ANKS1B: variants seen among roughly 807,000 people sequenced by gnomAD.
ANKS1B encodes the protein ankyrin repeat and sterile alpha motif domain containing 1B.
A neutral mutation model predicts 148.3 loss-of-function variants in ANKS1B; 36 were observed. The observed-to-expected ratio is 0.24, with a 90% CI of 0.19 to 0.32. The LOEUF (loss-of-function observed/expected upper bound fraction) is 0.32. Among genes scored for constraint, ANKS1B ranks in the 10% least tolerant of loss-of-function variants. The pLI, the probability that ANKS1B is intolerant of heterozygous loss-of-function variation, is 1.00. For missense variants in ANKS1B, 1,157 were observed against 1,542.6 expected (o/e 0.75, Z 4.19); for synonymous variants, 542 against 560.8 (o/e 0.97, Z 0.47).
intron 17 of ANKS1B, among the ~76,000 whole-genome samples, chr12:98,923,700 TAAAAAAAATAAA>T: frequency 6.6e-6 from 1 of 152,048 alleles, no homozygotes; most frequent in East Asian, 1.9e-4. Flanking sequence ...AGTCAATGTT[TAAAAAAAATAAA>T]GAATTCTCCA....
At chr12:98,748,272 C>T (rs369397876) in intron 26 of ANKS1B, among the ~76,000 whole-genome samples, 17 of 152,006 alleles carry the variant, frequency 1.1e-4, no homozygotes, top group Admixed American at 5.2e-4. Flanking sequence ...GGGTGGGGAG[C>T]GGGAAGGCAG....
chr12:99,432,005 C>T (rs1025817805), intron 11 of ANKS1B, among the ~76,000 whole-genome samples: 1 of 152,166 alleles, frequency 6.6e-6, no homozygotes, highest in Admixed American at 6.5e-5. Context: ...TGGATTAATT[C>T]TCATGGGTAT....
At chr12:99,078,312 A>C (rs2048502356) in intron 16 of ANKS1B, among the ~76,000 whole-genome samples, 1 of 152,244 alleles carries the variant, frequency 6.6e-6, no homozygotes, top group Admixed American at 6.5e-5. Flanking sequence ...TATATATGGT[A>C]AAATACTCTT....
At chr12:99,776,683 G>GTTAT (rs2153627865) in intron 6 of ANKS1B, among the ~76,000 whole-genome samples, 1 of 118,002 alleles carries the variant, frequency 8.5e-6, no homozygotes, top group African/African-American at 3.3e-5. Context: ...TTTCTTTTTG[G>GTTAT]TTGTTTGTTT....
chr12:98,821,651 C>T (rs2099193211), intron 19 of ANKS1B, among the ~76,000 whole-genome samples: 2 of 152,178 alleles, frequency 1.3e-5, no homozygotes, highest in African/African-American at 4.8e-5. Context: ...CTCTGTTTCC[C>T]AGGCTGGAGT....
chr12:99,830,096 A>C (rs185322660), intron 1 of ANKS1B, among the ~76,000 whole-genome samples: 118 of 152,310 alleles, frequency 7.7e-4, no homozygotes, highest in Middle Eastern at 3.4e-3. Flanking sequence ...CTTCTACTTC[A>C]ATCTGCAATC....
Position 99,984,104 on chromosome 12 carries a change from C to T in ANKS1B, c.134G>A (p.Ser45Asn). The T allele has an allele frequency of 6.2e-7, 1 of 1,612,366 alleles. No individual in the cohort carries two copies. Among genetic ancestry groups the T allele is most frequent in the Non-Finnish European group, 8.5e-7 (1 of 1,178,962 alleles). The change falls in exon 1 of 27, where the codon AGC becomes AAC. Residue 45 changes from serine (S) to asparagine (N), a missense_variant and splice_region_variant. Around this residue, in one of 6 missense-constraint regions of ANKS1B, gnomAD observed 164 missense variants for 232.6 expected, o/e 0.71. Transcript: ENST00000683438. ...SGPLPLSNLL[S>N]IWRGPNVNCT... Reference sequence around the variant, plus strand: ...CCCCGGAGCTGGTGCCCGTCCTTACCTTAGCAGATTAGACAGGGGCAGGGG... The same window carrying T: ...CCCCGGAGCTGGTGCCCGTCCTTACTTTAGCAGATTAGACAGGGGCAGGGG...
At chr12:98,795,540 C>T (rs551333116) in intron 22 of ANKS1B, 5 of 410,682 alleles carry the variant, frequency 1.2e-5, no homozygotes, top group Non-Finnish European at 2.4e-5. Flanking sequence ...GATCTAGAAG[C>T]AGAGGAATCC....
chr12:98,957,222 T>C (rs552301997), intron 17 of ANKS1B, among the ~76,000 whole-genome samples: 2 of 152,184 alleles, frequency 1.3e-5, no homozygotes, highest in East Asian at 3.9e-4. Context: ...GCTCCACAAG[T>C]GGGATAAGCA....
At chr12:98,788,046 G>T (rs1028038346) in intron 22 of ANKS1B, among the ~76,000 whole-genome samples, 3 of 152,020 alleles carry the variant, frequency 2.0e-5, no homozygotes, top group Admixed American at 6.6e-5. Flanking sequence ...GCCTTGCAAA[G>T]CTTGCAGGAG....
chr12:99,591,348 A>T (rs1276504480), intron 9 of ANKS1B, among the ~76,000 whole-genome samples: 1 of 151,984 alleles, frequency 6.6e-6, no homozygotes, highest in African/African-American at 2.4e-5. Context: ...TTTTTCCAGG[A>T]TAAAGAGCAA....
chr12:99,111,220 T>C (rs1037267725), intron 15 of ANKS1B, among the ~76,000 whole-genome samples: 6 of 152,226 alleles, frequency 3.9e-5, no homozygotes, highest in African/African-American at 1.4e-4. Context: ...TACTTTCAAG[T>C]TGAACAATTT....
chr12:98,878,851 T>C (rs2099698979), intron 17 of ANKS1B, among the ~76,000 whole-genome samples: 1 of 152,212 alleles, frequency 6.6e-6, no homozygotes. Context: ...CAATTTGCTT[T>C]CACCCCTTGC....
At chr12:99,066,605 C>G (rs1045241323) in intron 16 of ANKS1B, among the ~76,000 whole-genome samples, 3 of 152,120 alleles carry the variant, frequency 2.0e-5, no homozygotes, top group Non-Finnish European at 4.4e-5. Flanking sequence ...GTGACATGAT[C>G]TGGCTTACAT....
At chr12:99,375,232 A>G (rs2093342735) in intron 12 of ANKS1B, among the ~76,000 whole-genome samples, 1 of 152,240 alleles carries the variant, frequency 6.6e-6, no homozygotes, top group South Asian at 2.1e-4. Flanking sequence ...GGATGTTTTC[A>G]GCAGCCCTGG....
rs112162917 is a variant in ANKS1B at position 99,648,394 on chromosome 12, G to A, written c.1272+6673C>T. On this transcript the variant is annotated intron_variant, in intron 9 of 26. Coordinates refer to ENST00000683438, the MANE Select transcript of ANKS1B (RefSeq NM_001352186.2). ...TGCCCGAATGGTAACAATGGGCATCGTTCGCACCAGCCCCTGCCTCACACT... is the reference window on the plus strand; with the variant it reads ...TGCCCGAATGGTAACAATGGGCATCATTCGCACCAGCCCCTGCCTCACACT... 7.4e-4 allele frequency: 1,195 copies of A among 1,614,118 alleles called. 8 individuals are homozygous for A. The highest frequency in any genetic ancestry group is 5.1e-3 in the African/African-American group (386 of 75,022).
At chr12:99,149,521 A>T (rs2074263829) in intron 15 of ANKS1B, among the ~76,000 whole-genome samples, 1 of 152,174 alleles carries the variant, frequency 6.6e-6, no homozygotes, top group Non-Finnish European at 1.5e-5. Flanking sequence ...CATTTTAATA[A>T]GGGTCAAAGC....
intron 8 of ANKS1B, among the ~76,000 whole-genome samples, chr12:99,734,739 C>T (rs1161001142): frequency 6.6e-6 from 1 of 152,186 alleles, no homozygotes; most frequent in Non-Finnish European, 1.5e-5. Flanking sequence ...ACCTCCAAGT[C>T]ACTCCTTAAT....
chr12:99,780,529 A>G (rs1206112903), intron 5 of ANKS1B, among the ~76,000 whole-genome samples: 1 of 151,600 alleles, frequency 6.6e-6, no homozygotes, highest in Non-Finnish European at 1.5e-5. Context: ...TGATCTGCCC[A>G]CCTTGGCCTC....
Sources: gnomAD v4.1 joint callset for allele counts (sites outside exome capture counted in the v4.1 genomes callset) on GRCh38, gnomAD v4.1.1 for gene constraint, gnomAD v4.1.1 regional missense constraint, MANE v1.5 for transcripts, NCBI Gene and HGNC (gene_info 2026-07-23, HGNC 2026-07-21) for gene names.